Variants in IL1RAPL2 observed in about 807,000 individuals in gnomAD.
IL1RAPL2 encodes the protein interleukin 1 receptor accessory protein like 2.
IL1RAPL2 carries 3 observed loss-of-function variants against 44.1 expected under a neutral mutation model. That is an observed-to-expected ratio of 0.07 (90% CI 0.03 to 0.18). The LOEUF (loss-of-function observed/expected upper bound fraction) is 0.18, where lower values mean the gene tolerates loss of function less well. Among genes scored for constraint, IL1RAPL2 ranks in the 10% least tolerant of loss-of-function variants. The probability of loss-of-function intolerance (pLI) is 1.00; values close to 1 mark genes in which losing one functional copy is unlikely to be tolerated. For synonymous variants in IL1RAPL2, 181 were observed against 178.8 expected, an observed-to-expected ratio of 1.01 and a Z score of -0.10; for missense variants, 391 against 496.4, an observed-to-expected ratio of 0.79 and a Z score of 2.02.
At chrX:105,640,288 A>G (rs1037505803) in intron 6 of IL1RAPL2, among the ~76,000 whole-genome samples, 2 of 109,830 alleles carry the variant, frequency 1.8e-5, no homozygotes, top group African/African-American at 6.6e-5. Flanking sequence ...AATGCCTACC[A>G]TCAGCAGGGA....
intron 3 of IL1RAPL2, among the ~76,000 whole-genome samples, chrX:105,230,228 C>A (rs891011851): frequency 1.3e-4 from 14 of 110,998 alleles, no homozygotes; most frequent in Non-Finnish European, 2.1e-4. Flanking sequence ...TGATACACTT[C>A]TTTTTGTGCC....
intron 6 of IL1RAPL2, among the ~76,000 whole-genome samples, chrX:105,678,639 C>T (rs1431566507): frequency 1.8e-5 from 2 of 110,619 alleles, no homozygotes; most frequent in Non-Finnish European, 3.8e-5. Flanking sequence ...TCTATTGCCA[C>T]TGATTTTTTT....
chrX:104,666,145 T>G lies in IL1RAPL2; in HGVS notation c.82+7150T>G, dbSNP rs192766951. On this transcript the variant is annotated intron_variant, in intron 2 of 10. Coordinates refer to ENST00000372582, the MANE Select transcript of IL1RAPL2 (RefSeq NM_017416.2). ...TCTGAGACATAGAGAGAGAGAGAGA[T>G]CAGCAGCAAAACAATCCATACAGTG... is the stretch of plus-strand genomic sequence containing the variant. Among the ~76,000 whole-genome samples, 427 of 109,303 alleles carry G rather than the reference T, an allele frequency of 3.9e-3. 5 individuals carry two copies. The highest frequency in any genetic ancestry group is 0.028 in the Middle Eastern group (6 of 214). The allele number at this position is 109,303 out of a possible 115,157, so 94.9% of individuals were successfully genotyped here. A position where few individuals can be genotyped will look rare whatever the true frequency, so the allele number is the denominator to read the frequency against.
chrX:105,143,159 G>C (rs781089682), intron 2 of IL1RAPL2, among the ~76,000 whole-genome samples: 109 of 111,232 alleles, frequency 9.8e-4, no homozygotes, highest in African/African-American at 3.3e-3. Context: ...GAACAGACAA[G>C]CTACAGAATG....
chrX:105,427,909 T>C (rs1342101528), intron 5 of IL1RAPL2, among the ~76,000 whole-genome samples: 3 of 111,921 alleles, frequency 2.7e-5, no homozygotes, highest in Non-Finnish European at 5.6e-5. Flanking sequence ...TGTAACTAGA[T>C]GTTGGAGGTT....
chrX:105,157,484 A>G (rs1274906034), intron 2 of IL1RAPL2, among the ~76,000 whole-genome samples: 1 of 112,182 alleles, frequency 8.9e-6, no homozygotes, highest in Non-Finnish European at 1.9e-5. Context: ...AAAATAATTG[A>G]CTCAACTCAT....
intron 2 of IL1RAPL2, among the ~76,000 whole-genome samples, chrX:104,704,545 C>G (rs1352947268): frequency 9.0e-6 from 1 of 111,231 alleles, no homozygotes; most frequent in East Asian, 2.8e-4. Flanking sequence ...GGACTGTGTT[C>G]TAAGGAAATC....
chrX:104,577,489 T>TG (rs1928263209), intron 1 of IL1RAPL2, among the ~76,000 whole-genome samples: 1 of 111,217 alleles, frequency 9.0e-6, no homozygotes, highest in Non-Finnish European at 1.9e-5. Context: ...AATGAGAAGG[T>TG]GAAGATATTA....
At chrX:105,221,469 G>A (rs2033963750) in intron 3 of IL1RAPL2, among the ~76,000 whole-genome samples, 1 of 110,429 alleles carries the variant, frequency 9.1e-6, no homozygotes, top group African/African-American at 3.3e-5. Context: ...AACCAGAAGA[G>A]TTTCAGAGAG....
At chrX:105,673,222 G>A (rs1480817101) in intron 6 of IL1RAPL2, among the ~76,000 whole-genome samples, 1 of 110,986 alleles carries the variant, frequency 9.0e-6, no homozygotes, top group African/African-American at 3.3e-5. Context: ...TGTAACATAG[G>A]TAAACGTGTG....
chrX:104,886,342 AAG>A (rs1329792241), intron 2 of IL1RAPL2, among the ~76,000 whole-genome samples: 13 of 90,861 alleles, frequency 1.4e-4, no homozygotes, highest in African/African-American at 5.1e-4. Context: ...TGGGCATTGG[AAG>A]GACAATTTGG....
At chrX:104,696,004 C>T (rs1931176409) in intron 2 of IL1RAPL2, among the ~76,000 whole-genome samples, 3 of 111,179 alleles carry the variant, frequency 2.7e-5, no homozygotes, top group Admixed American at 1.9e-4. Context: ...GACGGGGTTT[C>T]ACCATGTTGG....
intron 2 of IL1RAPL2, among the ~76,000 whole-genome samples, chrX:105,001,274 A>G (rs777553343): frequency 4.5e-5 from 5 of 111,098 alleles, no homozygotes; most frequent in South Asian, 3.8e-4. Flanking sequence ...TACCTATCTG[A>G]TTAGACTTCC....
chrX:105,117,615 A>C (rs927386465), intron 2 of IL1RAPL2, among the ~76,000 whole-genome samples: 3 of 111,111 alleles, frequency 2.7e-5, no homozygotes, highest in African/African-American at 9.8e-5. Context: ...ATAGCGAGTG[A>C]GTTATCATGA....
intron 1 of IL1RAPL2, among the ~76,000 whole-genome samples, chrX:104,581,422 TTG>T (rs1928343351): frequency 1.8e-5 from 2 of 112,073 alleles, no homozygotes; most frequent in Non-Finnish European, 3.8e-5. Flanking sequence ...GGGTTTTTAT[TTG>T]TGTGTGCATA....
chrX:105,271,981 G>A, intron 5 of IL1RAPL2, among the ~76,000 whole-genome samples: 1 of 109,953 alleles, frequency 9.1e-6, no homozygotes, highest in Non-Finnish European at 1.9e-5. Context: ...CATGTCGTCT[G>A]CAAACAGGGA....
At chrX:105,374,567 C>A (rs1244606360) in intron 5 of IL1RAPL2, among the ~76,000 whole-genome samples, 1 of 110,816 alleles carries the variant, frequency 9.0e-6, no homozygotes, top group Admixed American at 9.7e-5. Flanking sequence ...CCCTGGATAG[C>A]TGTATCCCTA....
At chrX:104,807,238 C>T (rs1308001520) in intron 2 of IL1RAPL2, among the ~76,000 whole-genome samples, 2 of 111,321 alleles carry the variant, frequency 1.8e-5, no homozygotes, top group Admixed American at 9.6e-5. Context: ...TACTTCCCGA[C>T]TATTTTGCAG....
At chrX:104,634,336 G>T (rs1447022835) in intron 1 of IL1RAPL2, among the ~76,000 whole-genome samples, 2 of 111,843 alleles carry the variant, frequency 1.8e-5, no homozygotes, top group Non-Finnish European at 3.8e-5. Context: ...TTGGGGTGGA[G>T]AGTTCTGTAG....
Sources: allele counts gnomAD v4.1 joint callset (sites outside exome capture counted in the v4.1 genomes callset), GRCh38; gene constraint gnomAD v4.1.1; transcripts MANE v1.5; gene names NCBI Gene and HGNC (gene_info 2026-07-23, HGNC 2026-07-21).